SPAG6: variants seen among roughly 807,000 people sequenced by gnomAD.
The protein encoded by SPAG6 is sperm associated antigen 6, also known as sperm-associated antigen 6.
In SPAG6, 49 loss-of-function variants were observed where a neutral mutation model predicts 58.5. That is an observed-to-expected ratio of 0.84 (90% CI 0.67 to 1.06). The LOEUF is 1.06. Ranked by LOEUF, SPAG6 falls within the 50% of genes least tolerant of loss-of-function variation. The probability of loss-of-function intolerance (pLI) is 0.00; values close to 1 mark genes in which losing one functional copy is unlikely to be tolerated. For missense variants in SPAG6, 560 were observed against 611.3 expected (o/e 0.92, Z 0.89); for synonymous variants, 233 against 225.6 (o/e 1.03, Z -0.29).
chr10:22,395,237 T>C (rs1167737936), intron 8 of SPAG6, among the ~76,000 whole-genome samples: 3 of 152,208 alleles, frequency 2.0e-5, no homozygotes, highest in Non-Finnish European at 4.4e-5. Context: ...TGTGGATGTA[T>C]GTTTTCATTT....
intron 2 of SPAG6, among the ~76,000 whole-genome samples, chr10:22,355,009 G>T (rs1213874846): frequency 6.7e-6 from 1 of 148,840 alleles, no homozygotes; most frequent in East Asian, 1.9e-4. Flanking sequence ...AAAAAAAAAA[G>T]AGTCAGACAG....
At chr10:22,411,262 A>G in intron 10 of SPAG6, 86 bp downstream of exon 10, 1 of 1,180,822 alleles carries the variant, frequency 8.5e-7, no homozygotes, top group Non-Finnish European at 1.2e-6. Flanking sequence ...CTGTGTCAAA[A>G]TGTGGACTTT....
chr10:22,397,469 T>G (rs1276668754), intron 8 of SPAG6, among the ~76,000 whole-genome samples: 1 of 152,086 alleles, frequency 6.6e-6, no homozygotes, highest in Non-Finnish European at 1.5e-5. Flanking sequence ...TGTACCACCA[T>G]GCCTGGCTAA....
At chr10:22,382,570 G>A (rs1317491909) in intron 4 of SPAG6, among the ~76,000 whole-genome samples, 1 of 152,096 alleles carries the variant, frequency 6.6e-6, no homozygotes, top group African/African-American at 2.4e-5. Context: ...GAAGAAGAAT[G>A]ATACACTCCT....
chr10:22,416,979 C>T lies in SPAG6; in HGVS notation c.*291C>T. ...CTGTTAAAAACCACACACACTCGTACATGCAGACACCTCCAATGAGATATA... is the reference window on the plus strand; with the variant it reads ...CTGTTAAAAACCACACACACTCGTATATGCAGACACCTCCAATGAGATATA... On this transcript the variant is annotated 3_prime_UTR_variant, in exon 11 of 11. Transcript: ENST00000376624. 1 of 242,918 alleles carries T rather than the reference C, an allele frequency of 4.1e-6. No homozygotes were observed. The highest frequency in any genetic ancestry group is 8.2e-6 in the Non-Finnish European group (1 of 122,580). The allele number at this position is 242,918 out of a possible 1,614,324, so 15.0% of individuals were successfully genotyped here.
chr10:22,388,001 A>C lies in SPAG6; in HGVS notation c.852+5A>C. ...ATTGCAAAACATACACCCGAGGTGA[A>C]AAGAAACTTCAAGGCACAATAATAT... On this transcript the variant is annotated splice_donor_5th_base_variant and intron_variant, in intron 6 of 10. Transcript: ENST00000376624. The C allele has an allele frequency of 6.3e-7, 1 of 1,595,790 alleles. No homozygotes were observed. The highest frequency in any genetic ancestry group is 1.1e-5 in the South Asian group (1 of 87,328).
intron 4 of SPAG6, among the ~76,000 whole-genome samples, chr10:22,383,032 ATAT>A (rs1238658850): frequency 1.3e-5 from 2 of 152,228 alleles, no homozygotes; most frequent in Non-Finnish European, 2.9e-5. Context: ...GATATGTCAC[ATAT>A]TATTGTGTAA....
intron 8 of SPAG6, among the ~76,000 whole-genome samples, chr10:22,399,480 T>C (rs79260659): frequency 0.019 from 2,955 of 152,370 alleles, 97 homozygotes; most frequent in African/African-American, 0.067. Flanking sequence ...TGTTGTTGCA[T>C]GTGTCAGTAC....
chr10:22,375,793 C>T (rs1231219597), intron 4 of SPAG6, among the ~76,000 whole-genome samples: 3 of 151,852 alleles, frequency 2.0e-5, no homozygotes, highest in Admixed American at 6.6e-5. Context: ...TGACCAGGCT[C>T]GTCTCAAACT....
intron 4 of SPAG6, among the ~76,000 whole-genome samples, chr10:22,383,727 G>C (rs538527018): frequency 2.6e-5 from 4 of 152,264 alleles, no homozygotes; most frequent in African/African-American, 9.6e-5. Flanking sequence ...TGATACTTCT[G>C]TATACATTTT....
At position 22,409,592 on chromosome 10, in the gene SPAG6, A is replaced by G. The variant is rs78036782; in HGVS notation, c.1315-1439A>G. ...TTTTTAAAAGAAGGAATGAGTGAAT[A>G]TAGTCTGAAGTCTTCAGATAGGGCT... On this transcript the variant is annotated intron_variant, in intron 9 of 10. Coordinates refer to ENST00000376624, the MANE Select transcript of SPAG6 (RefSeq NM_012443.4). Among the ~76,000 whole-genome samples the G allele has an allele frequency of 9.0e-3, 1,367 of 152,342 alleles. 21 individuals are homozygous for G. The highest frequency in any genetic ancestry group is 0.03 in the African/African-American group (1,266 of 41,578).
intron 4 of SPAG6, among the ~76,000 whole-genome samples, chr10:22,378,417 G>GTT (rs35036098): frequency 1.7e-4 from 23 of 133,306 alleles, no homozygotes; most frequent in South Asian, 2.4e-4. Context: ...GTCTGGGCAG[G>GTT]TTTTTTTTTT....
chr10:22,348,890 T>A (rs1449935149), intron 2 of SPAG6, among the ~76,000 whole-genome samples: 2 of 152,198 alleles, frequency 1.3e-5, no homozygotes, highest in South Asian at 4.1e-4. Flanking sequence ...TGGAGTGCAG[T>A]GGTGCTATCT....
At chr10:22,360,204 TC>T in intron 2 of SPAG6, among the ~76,000 whole-genome samples, 1 of 152,226 alleles carries the variant, frequency 6.6e-6, no homozygotes, top group Non-Finnish European at 1.5e-5. Flanking sequence ...CATATATGTA[TC>T]CCTATTGCTT....
At position 22,413,370 on chromosome 10, in the gene SPAG6, A is replaced by T. The variant is rs886644597; in HGVS notation, c.1460+2194A>T. On this transcript the variant is annotated intron_variant, in intron 10 of 10. Transcript: ENST00000376624. ...AACACGGTGAAACCCCGTCTCTACT[A>T]AAAATACAAAAAATTAGCCTGGCAT... 3.9e-5 allele frequency among the ~76,000 whole-genome samples: 6 copies of T among 152,126 alleles called. No individual in the cohort carries two copies. In the East Asian group the frequency reaches 9.7e-4, roughly 24 times the overall value.
intron 9 of SPAG6, 45 bp downstream of exon 9, chr10:22,401,322 T>C: frequency 1.0e-6 from 1 of 1,003,946 alleles, no homozygotes. Context: ...ATTAAAATGA[T>C]TTGTTGTTAT....
At chr10:22,395,444 C>T (rs748567292) in intron 8 of SPAG6, among the ~76,000 whole-genome samples, 2 of 152,096 alleles carry the variant, frequency 1.3e-5, no homozygotes. Flanking sequence ...ATTGGTATCT[C>T]ATTGTGGTTT....
Position 22,411,281 on chromosome 10 carries a change from A to G in SPAG6, c.1460+105A>G, listed in dbSNP as rs796865339. On this transcript the variant is annotated intron_variant, in intron 10 of 10. Transcript: ENST00000376624. ...GTCAAAATGTGGACTTTGAAATACG[A>G]TGTGAGGCCAATATGTACCTTTATT... 1.3e-5 allele frequency: 12 copies of G among 891,750 alleles called. No homozygotes were observed. In the African/African-American group the frequency reaches 1.9e-4, roughly 14 times the overall value. 55.2% of individuals were successfully genotyped at this position (891,750 alleles called of 1,614,324 possible).
At chr10:22,397,313 T>C (rs1328463164) in intron 8 of SPAG6, among the ~76,000 whole-genome samples, 1 of 152,170 alleles carries the variant, frequency 6.6e-6, no homozygotes, top group Non-Finnish European at 1.5e-5. Flanking sequence ...TTTTCTTTTT[T>C]GAGACAGGGT....
Sources: gnomAD v4.1 joint callset for allele counts (sites outside exome capture counted in the v4.1 genomes callset) on GRCh38, gnomAD v4.1.1 for gene constraint, MANE v1.5 for transcripts, NCBI Gene and HGNC (gene_info 2026-07-23, HGNC 2026-07-21) for gene names.